Variants in STXBP5 observed in about 807,000 individuals in gnomAD.
The protein encoded by STXBP5 is syntaxin-binding protein 5.
A neutral mutation model predicts 152.4 loss-of-function variants in STXBP5; 50 were observed. The ratio of observed to expected loss-of-function variants is 0.33; its 90% CI spans 0.26 to 0.42. The LOEUF is 0.42. Ranked by LOEUF, STXBP5 falls within the 10% of genes least tolerant of loss-of-function variation. The pLI, the probability that STXBP5 is intolerant of heterozygous loss-of-function variation, is 1.00. For missense variants in STXBP5, 1,167 were observed against 1,388.6 expected, an observed-to-expected ratio of 0.84 and a Z score of 2.54; for synonymous variants, 492 against 494.7, an observed-to-expected ratio of 0.99 and a Z score of 0.07.
At chr6:147,259,584 A>G (rs1779546779) in intron 4 of STXBP5, among the ~76,000 whole-genome samples, 1 of 152,140 alleles carries the variant, frequency 6.6e-6, no homozygotes, top group African/African-American at 2.4e-5. Flanking sequence ...CTGTAATAAA[A>G]TTGTGTGTTA....
chr6:147,254,711 A>G (rs1443612675), intron 4 of STXBP5, among the ~76,000 whole-genome samples: 1 of 152,234 alleles, frequency 6.6e-6, no homozygotes, highest in Non-Finnish European at 1.5e-5. Context: ...CAAACGTATG[A>G]AAAAAAGGTC....
At chr6:147,244,437 A>G (rs931415884) in intron 4 of STXBP5, among the ~76,000 whole-genome samples, 1 of 152,220 alleles carries the variant, frequency 6.6e-6, no homozygotes, top group Non-Finnish European at 1.5e-5. Context: ...TATCCACACA[A>G]TAGCTTGCTA....
intron 4 of STXBP5, among the ~76,000 whole-genome samples, chr6:147,258,780 G>A (rs554023573): frequency 1.4e-4 from 21 of 152,062 alleles, no homozygotes; most frequent in African/African-American, 4.6e-4. Context: ...CTTTTAAGTA[G>A]TCAATATATT....
At chr6:147,271,208 T>G (rs1045305904) in intron 7 of STXBP5, among the ~76,000 whole-genome samples, 1 of 152,008 alleles carries the variant, frequency 6.6e-6, no homozygotes, top group African/African-American at 2.4e-5. Context: ...CCACATACTG[T>G]CTGTAAGAAA....
chr6:147,364,277 G>GA (rs1259051712), intron 25 of STXBP5, 111 bp downstream of exon 25: 1 of 941,876 alleles, frequency 1.1e-6, no homozygotes, highest in Non-Finnish European at 1.5e-6. Flanking sequence ...GCCTGCTTGG[G>GA]AAAATCCAGA....
At chr6:147,284,826 GA>G (rs1407586344) in intron 8 of STXBP5, among the ~76,000 whole-genome samples, 1 of 152,206 alleles carries the variant, frequency 6.6e-6, no homozygotes, top group Non-Finnish European at 1.5e-5. Flanking sequence ...ATCAAAGTAT[GA>G]TAAAAAGTTT....
At chr6:147,321,733 T>TA (rs1782946744) in intron 16 of STXBP5, among the ~76,000 whole-genome samples, 1 of 152,242 alleles carries the variant, frequency 6.6e-6, no homozygotes, top group African/African-American at 2.4e-5. Flanking sequence ...ACATTTAAAA[T>TA]ACGTTTGTAC....
intron 25 of STXBP5, among the ~76,000 whole-genome samples, chr6:147,366,006 A>G (rs1785272888): frequency 6.6e-6 from 1 of 152,214 alleles, no homozygotes; most frequent in African/African-American, 2.4e-5. Context: ...TCTGACAGAT[A>G]GGAATCAAAG....
chr6:147,339,095 T>C, intron 19 of STXBP5, 84 bp from the exon 20 acceptor site: 1 of 1,206,698 alleles, frequency 8.3e-7, no homozygotes, highest in African/African-American at 1.6e-5. Flanking sequence ...TTACCAGATT[T>C]TTTATTTGTA....
chr6:147,370,780 T>C (rs1785502975), intron 25 of STXBP5, among the ~76,000 whole-genome samples: 1 of 152,078 alleles, frequency 6.6e-6, no homozygotes, highest in African/African-American at 2.4e-5. Context: ...GCTTCTTATA[T>C]ATATTGTGTA....
At chr6:147,267,193 C>A in intron 7 of STXBP5, 26 bp downstream of exon 7, 1 of 1,556,902 alleles carries the variant, frequency 6.4e-7, no homozygotes, top group Non-Finnish European at 8.7e-7. Flanking sequence ...CTAGTAAAAG[C>A]TATGGTCATT....
At chr6:147,360,651 C>G (rs999716807) in intron 23 of STXBP5, among the ~76,000 whole-genome samples, 3 of 152,068 alleles carry the variant, frequency 2.0e-5, no homozygotes, top group African/African-American at 7.2e-5. Context: ...TTTTTCATCT[C>G]CAAGTGTGAA....
At chr6:147,250,518 A>G (rs1779031687) in intron 4 of STXBP5, among the ~76,000 whole-genome samples, 1 of 152,212 alleles carries the variant, frequency 6.6e-6, no homozygotes, top group Non-Finnish European at 1.5e-5. Context: ...ATATGCAAAT[A>G]TTATACCATT....
At chr6:147,275,371 A>T (rs1171998094) in intron 7 of STXBP5, among the ~76,000 whole-genome samples, 4 of 151,788 alleles carry the variant, frequency 2.6e-5, no homozygotes, top group Non-Finnish European at 4.4e-5. Context: ...ATCTGCGTTC[A>T]TTCTGTCTTC....
intron 8 of STXBP5, among the ~76,000 whole-genome samples, chr6:147,281,661 A>G (rs896339552): frequency 6.6e-6 from 1 of 152,218 alleles, no homozygotes; most frequent in Non-Finnish European, 1.5e-5. Flanking sequence ...TTAGTCTTAA[A>G]AAACATTTAC....
chr6:147,210,957 A>G (rs1365279462), intron 2 of STXBP5, among the ~76,000 whole-genome samples: 1 of 152,146 alleles, frequency 6.6e-6, no homozygotes, highest in African/African-American at 2.4e-5. Flanking sequence ...TTTGTAGCTA[A>G]TACAAACTTT....
At chr6:147,236,800 A>T (rs956530008) in intron 3 of STXBP5, among the ~76,000 whole-genome samples, 3 of 140,476 alleles carry the variant, frequency 2.1e-5, no homozygotes, top group Non-Finnish European at 3.0e-5. Context: ...TTTTTTTGAG[A>T]TGGAGTCTTA....
At chr6:147,359,651 C>T (rs1421675528) in intron 23 of STXBP5, among the ~76,000 whole-genome samples, 1 of 137,964 alleles carries the variant, frequency 7.2e-6, no homozygotes, top group East Asian at 2.4e-4. Context: ...TGATGTTCCC[C>T]TTCCCGTGTC....
Position 147,339,173 on chromosome 6 carries a change from G to A in STXBP5, c.2147-6G>A, listed in dbSNP as rs1220402537. On this transcript the variant is annotated splice_polypyrimidine_tract_variant and splice_region_variant and intron_variant, in intron 19 of 27. Transcript: ENST00000321680. ...CCTATTCCTTCCGTTGTCTTCATTTGTGTAGGTTCTTCATCACCACACAAT... is the reference window on the plus strand; with the variant it reads ...CCTATTCCTTCCGTTGTCTTCATTTATGTAGGTTCTTCATCACCACACAAT... 6.5e-7 allele frequency: 1 copy of A among 1,538,110 alleles called. No individual in the cohort carries two copies. Among genetic ancestry groups the A allele is most frequent in the Admixed American group, 2.0e-5 (1 of 48,920 alleles).
Sources: gnomAD v4.1 joint callset for allele counts (sites outside exome capture counted in the v4.1 genomes callset) on GRCh38, gnomAD v4.1.1 for gene constraint, MANE v1.5 for transcripts, NCBI Gene and HGNC (gene_info 2026-07-23, HGNC 2026-07-21) for gene names.